Variants in DIPK2B observed in about 807,000 individuals in gnomAD.
DIPK2B encodes the protein UPF0672 protein CXorf36.
DIPK2B carries 15 observed loss-of-function variants against 22.2 expected under a neutral mutation model. The ratio of observed to expected loss-of-function variants is 0.68; its 90% CI spans 0.45 to 1.04. The LOEUF (loss-of-function observed/expected upper bound fraction) is 1.04, where lower values mean the gene tolerates loss of function less well. Among genes scored for constraint, DIPK2B ranks in the 50% least tolerant of loss-of-function variants. DIPK2B has a pLI of 0.00. For missense variants in DIPK2B, 345 were observed against 348.3 expected (o/e 0.99, Z 0.08); for synonymous variants, 163 against 153.2 (o/e 1.06, Z -0.47).
chrX:45,161,269 C>A (rs940956194), intron 2 of DIPK2B, among the ~76,000 whole-genome samples: 1 of 112,429 alleles, frequency 8.9e-6, no homozygotes, highest in Non-Finnish European at 1.9e-5. Flanking sequence ...TGGCCAGGCA[C>A]GGTTGCCCAT....
chrX:45,195,323 C>A (rs2047234035), intron 1 of DIPK2B, among the ~76,000 whole-genome samples: 1 of 110,740 alleles, frequency 9.0e-6, no homozygotes, highest in Admixed American at 9.6e-5. Context: ...GAAAGATGGA[C>A]AAGCAGAATT....
intron 2 of DIPK2B, among the ~76,000 whole-genome samples, chrX:45,159,292 G>C (rs959805010): frequency 8.9e-6 from 1 of 111,801 alleles, no homozygotes; most frequent in Non-Finnish European, 1.9e-5. Context: ...CACAACAGGA[G>C]CTGCTCTAAG....
chrX:45,194,018 A>T (rs2047225800), intron 1 of DIPK2B, among the ~76,000 whole-genome samples: 1 of 111,777 alleles, frequency 8.9e-6, no homozygotes, highest in South Asian at 3.8e-4. Context: ...TGAAACACTT[A>T]AGTGTGCCAG....
At chrX:45,154,318 T>TCTAA in intron 3 of DIPK2B, 120 bp from the exon 4 acceptor site, 1 of 573,218 alleles carries the variant, frequency 1.7e-6, no homozygotes, top group Non-Finnish European at 2.5e-6. Flanking sequence ...TATCTATCTA[T>TCTAA]CTGTCTATCT....
intron 2 of DIPK2B, among the ~76,000 whole-genome samples, chrX:45,174,029 A>G (rs1252589481): frequency 1.8e-5 from 2 of 111,166 alleles, no homozygotes; most frequent in East Asian, 5.6e-4. Flanking sequence ...AACTTCCTAG[A>G]GGCTGGGTGT....
intron 2 of DIPK2B, among the ~76,000 whole-genome samples, chrX:45,185,970 C>T (rs1365395903): frequency 2.7e-5 from 3 of 111,439 alleles, no homozygotes; most frequent in Non-Finnish European, 5.7e-5. Flanking sequence ...CATTTTCATT[C>T]GTGAGCTCCA....
chrX:45,194,311 G>A (rs1159085809), intron 1 of DIPK2B, among the ~76,000 whole-genome samples: 1 of 110,060 alleles, frequency 9.1e-6, no homozygotes, highest in Non-Finnish European at 1.9e-5. Flanking sequence ...GTGCAGTGGC[G>A]CAGTCTTGGT....
intron 2 of DIPK2B, among the ~76,000 whole-genome samples, chrX:45,185,878 T>C (rs1210873485): frequency 9.0e-6 from 1 of 110,753 alleles, no homozygotes; most frequent in East Asian, 2.8e-4. Context: ...GGTCTCGATC[T>C]CCTGACCTCG....
chrX:45,180,297 C>A lies in DIPK2B; in HGVS notation c.498+11454G>T, dbSNP rs573303401. ...GAAAAGGATTCCAGAAAAGGCTCAC[C>A]CAGCCTTGAAGCAGATAAGTTGAGA... On this transcript the variant is annotated intron_variant, in intron 2 of 4. Coordinates refer to ENST00000398000, the MANE Select transcript of DIPK2B (RefSeq NM_176819.4). 1.6e-4 allele frequency among the ~76,000 whole-genome samples: 18 copies of A among 111,746 alleles called. 1 individual carries two copies. The South Asian group carries it at 6.7e-3, about 42-fold the overall frequency.
intron 2 of DIPK2B, chrX:45,162,817 C>A: frequency 1.3e-6 from 1 of 754,194 alleles, no homozygotes; most frequent in South Asian, 6.7e-5. Flanking sequence ...CCTTGGGAAG[C>A]CAGCCAACCA....
intron 2 of DIPK2B, among the ~76,000 whole-genome samples, chrX:45,188,357 A>G (rs1461459778): frequency 8.9e-6 from 1 of 111,741 alleles, no homozygotes; most frequent in African/African-American, 3.3e-5. Flanking sequence ...AGAATATATT[A>G]GGAAGAGCTG....
intron 3 of DIPK2B, among the ~76,000 whole-genome samples, chrX:45,155,662 T>C (rs897363936): frequency 1.4e-4 from 15 of 109,110 alleles, no homozygotes; most frequent in Non-Finnish European, 2.5e-4. Flanking sequence ...AGCCTAAAAC[T>C]GGCCTAGGGA....
intron 2 of DIPK2B, among the ~76,000 whole-genome samples, chrX:45,178,777 A>G (rs894051646): frequency 2.7e-5 from 3 of 111,744 alleles, no homozygotes; most frequent in Non-Finnish European, 3.8e-5. Context: ...GTAGGCCTCT[A>G]GAGACCTATC....
chrX:45,157,631 G>C (rs1015150467), intron 3 of DIPK2B, 84 bp downstream of exon 3: 3 of 982,587 alleles, frequency 3.1e-6, no homozygotes, highest in Non-Finnish European at 4.2e-6. Flanking sequence ...TGCAGTAAAA[G>C]GAGGGAGAGA....
chrX:45,164,142 C>A, intron 2 of DIPK2B: 5 of 1,156,457 alleles, frequency 4.3e-6, no homozygotes, highest in Non-Finnish European at 5.8e-6. Flanking sequence ...TGGGAGAAGG[C>A]TAACACTTTC....
chrX:45,165,932 G>A (rs918103220), intron 2 of DIPK2B, among the ~76,000 whole-genome samples: 1 of 111,468 alleles, frequency 9.0e-6, no homozygotes, highest in Admixed American at 9.5e-5. Context: ...CTTCCATAAA[G>A]AGCCATGGTA....
chrX:45,169,911 C>T (rs2047069988), intron 2 of DIPK2B, among the ~76,000 whole-genome samples: 1 of 111,516 alleles, frequency 9.0e-6, no homozygotes, highest in Non-Finnish European at 1.9e-5. Flanking sequence ...AAGCATTAAT[C>T]AGACTGGACA....
chrX:45,187,946 C>A (rs772871907), intron 2 of DIPK2B, among the ~76,000 whole-genome samples: 1 of 111,130 alleles, frequency 9.0e-6, no homozygotes, highest in African/African-American at 3.3e-5. Flanking sequence ...AGTTGGAAAA[C>A]GGCTCTTGAG....
At chrX:45,164,613 G>A (rs766108070) in intron 2 of DIPK2B, among the ~76,000 whole-genome samples, 2 of 111,808 alleles carry the variant, frequency 1.8e-5, no homozygotes, top group South Asian at 3.8e-4. Flanking sequence ...GGGGCCTGTT[G>A]GGGGTTGGGA....
Sources: gnomAD v4.1 joint callset for allele counts (sites outside exome capture counted in the v4.1 genomes callset) on GRCh38, gnomAD v4.1.1 for gene constraint, MANE v1.5 for transcripts, NCBI Gene and HGNC (gene_info 2026-07-23, HGNC 2026-07-21) for gene names.